The following DLG2 variants were observed in gnomAD, a reference collection of about 807,000 sequenced individuals.
DLG2 encodes the protein discs large MAGUK scaffold protein 2, also known as disks large homolog 2.
DLG2 carries 45 observed loss-of-function variants against 132.5 expected under a neutral mutation model. The ratio of observed to expected loss-of-function variants is 0.34; its 90% confidence interval spans 0.27 to 0.44. DLG2 has a LOEUF of 0.44. Among genes scored for constraint, DLG2 ranks in the 20% least tolerant of loss-of-function variants. The pLI is 1.00. For missense variants in DLG2, 1,045 were observed against 1,196.9 expected (o/e 0.87, Z 1.87); for synonymous variants, 424 against 419.6 (o/e 1.01, Z -0.13).
intron 18 of DLG2, among the ~76,000 whole-genome samples, chr11:83,679,862 C>G (rs1293221593): frequency 6.6e-6 from 1 of 152,122 alleles, no homozygotes; most frequent in Non-Finnish European, 1.5e-5. Flanking sequence ...GGACACAGAA[C>G]CCCTGCCCTT....
chr11:83,766,423 T>A (rs2094149669), intron 18 of DLG2, among the ~76,000 whole-genome samples: 1 of 151,228 alleles, frequency 6.6e-6, no homozygotes, highest in South Asian at 2.1e-4. Flanking sequence ...TATAATGAGT[T>A]ATGAGTTAAG....
chr11:83,554,905 T>G (rs929192928), intron 19 of DLG2, among the ~76,000 whole-genome samples: 1 of 152,234 alleles, frequency 6.6e-6, no homozygotes, highest in Non-Finnish European at 1.5e-5. Flanking sequence ...ATGCATTATG[T>G]TAGGTATTTG....
intron 3 of DLG2, among the ~76,000 whole-genome samples, chr11:85,319,309 C>A (rs181867063): frequency 1.3e-5 from 2 of 151,734 alleles, no homozygotes; most frequent in African/African-American, 2.4e-5. Context: ...CTTTCAAACT[C>A]ATCTAAAAGT....
intron 10 of DLG2, among the ~76,000 whole-genome samples, chr11:84,074,652 C>T (rs1017082963): frequency 3.3e-5 from 5 of 151,812 alleles, no homozygotes; most frequent in African/African-American, 1.2e-4. Context: ...CCTCAGCCTC[C>T]CAAGTAGCTG....
intron 15 of DLG2, among the ~76,000 whole-genome samples, chr11:83,884,520 A>G (rs957335462): frequency 5.3e-5 from 8 of 152,336 alleles, no homozygotes; most frequent in African/African-American, 1.9e-4. Flanking sequence ...GGGGCAGGGC[A>G]CAGACAAACA....
At chr11:84,303,582 G>A (rs1341540023) in intron 7 of DLG2, among the ~76,000 whole-genome samples, 2 of 152,160 alleles carry the variant, frequency 1.3e-5, no homozygotes, top group Non-Finnish European at 2.9e-5. Context: ...TACTGTGTAA[G>A]ATCAAAATTT....
At chr11:85,034,664 AG>A (rs765504533) in intron 6 of DLG2, among the ~76,000 whole-genome samples, 1 of 152,196 alleles carries the variant, frequency 6.6e-6, no homozygotes, top group Non-Finnish European at 1.5e-5. Flanking sequence ...ATGAATAAAA[AG>A]ACATTAATAT....
At chr11:85,387,225 T>C (rs1050320681) in intron 3 of DLG2, among the ~76,000 whole-genome samples, 1 of 152,160 alleles carries the variant, frequency 6.6e-6, no homozygotes, top group Non-Finnish European at 1.5e-5. Flanking sequence ...TGAAGAACAT[T>C]CCAGTGCACA....
At chr11:84,520,095 A>T (rs891704956) in intron 7 of DLG2, among the ~76,000 whole-genome samples, 1 of 152,206 alleles carries the variant, frequency 6.6e-6, no homozygotes, top group African/African-American at 2.4e-5. Flanking sequence ...CTCCAATGAC[A>T]GGAAGCTCAC....
chr11:84,480,748 G>A (rs1488182594), intron 7 of DLG2, among the ~76,000 whole-genome samples: 1 of 149,872 alleles, frequency 6.7e-6, no homozygotes, highest in Non-Finnish European at 1.5e-5. Flanking sequence ...TTGTTTCTTG[G>A]GGGTTTTCTT....
rs867246372 is a variant in DLG2, at chr11:85,510,355, C to A, written c.40+88302G>T. Among the ~76,000 whole-genome samples the A allele has an allele frequency of 1.4e-4, 21 of 151,568 alleles. 1 individual carries two copies. The highest frequency in any genetic ancestry group is 4.1e-4 in the African/African-American group (17 of 41,052). ...ACACCAAAAGCAATGGCAACAAAAG[C>A]CAAAATTGACAAATGGGATCTAATT... On this transcript the variant is annotated intron_variant, in intron 3 of 27. Transcript: ENST00000376104.
intron 7 of DLG2, among the ~76,000 whole-genome samples, chr11:84,273,496 T>A (rs750672781): frequency 3.3e-5 from 5 of 152,084 alleles, no homozygotes; most frequent in African/African-American, 1.2e-4. Context: ...CCTACACTTG[T>A]GAAAAGCAAT....
chr11:84,472,734 TAATC>T (rs2099111696), intron 7 of DLG2, among the ~76,000 whole-genome samples: 1 of 151,916 alleles, frequency 6.6e-6, no homozygotes, highest in Admixed American at 6.6e-5. Context: ...GGGGTATACT[TAATC>T]AAGGGCAGGT....
intron 19 of DLG2, among the ~76,000 whole-genome samples, chr11:83,593,014 G>A (rs2097214046): frequency 7.7e-6 from 1 of 129,408 alleles, no homozygotes; most frequent in Admixed American, 8.3e-5. Flanking sequence ...GAGAGGATGT[G>A]GAGAAATAGG....
At chr11:83,714,476 C>T (rs1277453394) in intron 18 of DLG2, among the ~76,000 whole-genome samples, 1 of 152,104 alleles carries the variant, frequency 6.6e-6, no homozygotes, top group South Asian at 2.1e-4. Flanking sequence ...TGTCTAAGAT[C>T]ACATAGATAA....
At chr11:84,610,890 TCTC>T (rs1005020636) in intron 6 of DLG2, among the ~76,000 whole-genome samples, 2 of 151,988 alleles carry the variant, frequency 1.3e-5, no homozygotes, top group African/African-American at 4.8e-5. Flanking sequence ...CCTGAAATAT[TCTC>T]CTCCCTCTCC....
chr11:84,306,902 A>G (rs2098225518), intron 7 of DLG2, among the ~76,000 whole-genome samples: 1 of 152,252 alleles, frequency 6.6e-6, no homozygotes, highest in Non-Finnish European at 1.5e-5. Flanking sequence ...GAGAGTGCAA[A>G]TTAGTTCAGC....
intron 4 of DLG2, among the ~76,000 whole-genome samples, chr11:85,236,244 C>T (rs35119181): frequency 0.024 from 3,638 of 152,040 alleles, 66 homozygotes; most frequent in Admixed American, 0.039. Context: ...CGTCCAGTGC[C>T]AACAGTATTA....
At chr11:85,544,894 G>A (rs2076209441) in intron 3 of DLG2, among the ~76,000 whole-genome samples, 1 of 152,160 alleles carries the variant, frequency 6.6e-6, no homozygotes, top group Non-Finnish European at 1.5e-5. Flanking sequence ...TTTGGGGTGA[G>A]ATGATGGGGT....
Sources: gnomAD v4.1 joint callset for allele counts (sites outside exome capture counted in the v4.1 genomes callset) on GRCh38, gnomAD v4.1.1 for gene constraint, MANE v1.5 for transcripts, NCBI Gene and HGNC (gene_info 2026-07-23, HGNC 2026-07-21) for gene names.